Variants in EYS observed in about 807,000 individuals in gnomAD.
EYS encodes the protein EGF-like photoreceptor maintenance factor.
A neutral mutation model predicts 282.1 loss-of-function variants in EYS; 250 were observed. The ratio of observed to expected loss-of-function variants is 0.89; its 90% CI spans 0.80 to 0.98. The LOEUF (loss-of-function observed/expected upper bound fraction) is 0.98. Ranked by LOEUF, EYS falls within the 50% of genes least tolerant of loss-of-function variation. The pLI is 0.00. For missense variants in EYS, 4,016 were observed against 3,709.0 expected, an observed-to-expected ratio of 1.08 and a Z score of -2.15; for synonymous variants, 1,355 against 1,282.9, an observed-to-expected ratio of 1.06 and a Z score of -1.20.
intron 14 of EYS, among the ~76,000 whole-genome samples, chr6:64,953,094 C>T (rs544936168): frequency 6.6e-6 from 1 of 151,660 alleles, no homozygotes; most frequent in Non-Finnish European, 1.5e-5. Context: ...TTACAATCAA[C>T]CAAAAGCAGT....
At chr6:65,198,864 G>C (rs542476639) in intron 12 of EYS, among the ~76,000 whole-genome samples, 2 of 152,174 alleles carry the variant, frequency 1.3e-5, no homozygotes, top group South Asian at 4.1e-4. Flanking sequence ...GAGACATTAG[G>C]ACTATTTTAT....
chr6:63,880,762 G>T (rs2149718600), intron 35 of EYS, among the ~76,000 whole-genome samples: 1 of 152,176 alleles, frequency 6.6e-6, no homozygotes, highest in South Asian at 2.1e-4. Flanking sequence ...TTAAATACAA[G>T]AGGCTGAAAG....
intron 29 of EYS, among the ~76,000 whole-genome samples, chr6:64,383,793 C>T (rs1772823376): frequency 6.6e-6 from 1 of 152,022 alleles, no homozygotes; most frequent in Admixed American, 6.6e-5. Context: ...AATGTTGTTA[C>T]CTTTCTTGAT....
At chr6:65,538,552 A>C (rs537522242) in intron 2 of EYS, among the ~76,000 whole-genome samples, 21 of 152,262 alleles carry the variant, frequency 1.4e-4, no homozygotes, top group Non-Finnish European at 1.2e-4. Context: ...AACAAATAAA[A>C]CATATATTGA....
At chr6:65,021,443 T>C (rs1223125340) in intron 13 of EYS, among the ~76,000 whole-genome samples, 1 of 152,220 alleles carries the variant, frequency 6.6e-6, no homozygotes, top group Non-Finnish European at 1.5e-5. Flanking sequence ...CTCAACTTTA[T>C]TGTCCATATC....
intron 12 of EYS, among the ~76,000 whole-genome samples, chr6:65,087,932 C>T (rs1035012870): frequency 1.3e-5 from 2 of 152,126 alleles, no homozygotes; most frequent in Non-Finnish European, 2.9e-5. Flanking sequence ...GGACAGTTTT[C>T]CCCATGCCGT....
intron 2 of EYS, among the ~76,000 whole-genome samples, chr6:65,544,125 T>C (rs1170510018): frequency 1.3e-5 from 2 of 152,078 alleles, no homozygotes; most frequent in African/African-American, 4.8e-5. Context: ...TGTTTTTCCA[T>C]TTAACTCTTT....
At chr6:64,567,240 C>T (rs1765593934) in intron 26 of EYS, among the ~76,000 whole-genome samples, 1 of 151,864 alleles carries the variant, frequency 6.6e-6, no homozygotes, top group African/African-American at 2.4e-5. Context: ...GAGTATACAT[C>T]AAAACAAAAT....
At chr6:65,126,455 C>T (rs938543276) in intron 12 of EYS, among the ~76,000 whole-genome samples, 1 of 152,120 alleles carries the variant, frequency 6.6e-6, no homozygotes, top group African/African-American at 2.4e-5. Flanking sequence ...AAATAGGCTG[C>T]TTGAATTTTC....
chr6:64,151,338 T>C (rs1338158373), intron 31 of EYS, among the ~76,000 whole-genome samples: 1 of 114,762 alleles, frequency 8.7e-6, no homozygotes, highest in Non-Finnish European at 1.7e-5. Flanking sequence ...TATATATATA[T>C]ATATATATAT....
At chr6:64,731,566 A>G (rs1469594556) in intron 22 of EYS, among the ~76,000 whole-genome samples, 2 of 152,196 alleles carry the variant, frequency 1.3e-5, no homozygotes, top group Non-Finnish European at 2.9e-5. Context: ...AAAAAAGCTC[A>G]TCTTCACTGG....
At chr6:65,384,808 GA>G (rs5876962) in intron 7 of EYS, among the ~76,000 whole-genome samples, 62,612 of 151,344 alleles carry the variant, frequency 0.41, 13,942 homozygotes, top group South Asian at 0.5. Context: ...GAAATATGAA[GA>G]AAAAACATGA....
rs1029564423 is a variant in EYS, at chr6:64,822,650, C to T, written c.3164+1G>A. On this transcript the variant is annotated splice_donor_variant, in intron 20 of 42. Coordinates refer to ENST00000503581, the MANE Select transcript of EYS (RefSeq NM_001142800.2). LOFTEE classifies it high-confidence loss of function. ...AAGCTAATAATAAAAAAAATAGCTA[C>T]CTTCCATGTAGACAAGGATTTGAAA... 7.9e-6 allele frequency: 12 copies of T among 1,520,776 alleles called. No individual in the cohort carries two copies. The highest frequency in any genetic ancestry group is 2.5e-5 in the East Asian group (1 of 40,026). The allele number at this position is 1,520,776 out of a possible 1,614,324, so 94.2% of individuals were successfully genotyped here. A position where few individuals can be genotyped will look rare whatever the true frequency, so the allele number is the denominator to read the frequency against.
At chr6:63,999,352 T>C (rs1226117041) in intron 33 of EYS, among the ~76,000 whole-genome samples, 169 bp from the exon 34 acceptor site, 2 of 152,334 alleles carry the variant, frequency 1.3e-5, no homozygotes, top group Non-Finnish European at 2.9e-5. Flanking sequence ...AGATAAAAGA[T>C]GTATTTCTTT....
intron 2 of EYS, among the ~76,000 whole-genome samples, chr6:65,515,647 T>A (rs1460963691): frequency 3.3e-5 from 5 of 151,834 alleles, no homozygotes; most frequent in Non-Finnish European, 7.4e-5. Context: ...TGTAGGGACA[T>A]GGATGAAATT....
intron 35 of EYS, among the ~76,000 whole-genome samples, chr6:63,932,654 A>G (rs1764932517): frequency 6.6e-6 from 1 of 152,258 alleles, no homozygotes; most frequent in Non-Finnish European, 1.5e-5. Flanking sequence ...TAATAAAGGT[A>G]TAGGAAAAAA....
intron 22 of EYS, among the ~76,000 whole-genome samples, chr6:64,697,840 G>T (rs1770637766): frequency 6.6e-6 from 1 of 152,092 alleles, no homozygotes; most frequent in Admixed American, 6.5e-5. Context: ...TACTCAGGCG[G>T]CTGAGGCAGG....
In EYS at chr6:65,576,667, T is replaced by C. The variant is rs147311174; in HGVS notation, c.-333+63111A>G. 4.6e-3 allele frequency among the ~76,000 whole-genome samples: 696 copies of C among 152,004 alleles called. 6 individuals are homozygous for C. Among genetic ancestry groups the C allele is most frequent in the African/African-American group, 0.015 (639 of 41,558 alleles). ...TTGGTTTTCAGATTACATAATCTTATATATAGAAAACCCTAAAAACTCCAT... is the reference window on the plus strand; with the variant it reads ...TTGGTTTTCAGATTACATAATCTTACATATAGAAAACCCTAAAAACTCCAT... On this transcript the variant is annotated intron_variant, in intron 2 of 42. Coordinates refer to ENST00000503581, the MANE Select transcript of EYS (RefSeq NM_001142800.2).
intron 31 of EYS, among the ~76,000 whole-genome samples, chr6:64,148,332 AT>A (rs199948544): frequency 0.019 from 2,844 of 152,194 alleles, 74 homozygotes; most frequent in African/African-American, 0.064. Flanking sequence ...TTGTTGACCT[AT>A]TTTTTAAGCA....
Sources: gnomAD v4.1 joint callset for allele counts (sites outside exome capture counted in the v4.1 genomes callset) on GRCh38, gnomAD v4.1.1 for gene constraint, MANE v1.5 for transcripts, NCBI Gene and HGNC (gene_info 2026-07-23, HGNC 2026-07-21) for gene names.